The following GADL1 variants were observed in gnomAD, a reference collection of about 807,000 sequenced individuals.
The protein encoded by GADL1 is GAD like acidic amino acid decarboxylase 1.
Under a neutral mutation model 69.5 loss-of-function variants are expected in GADL1, and 71 were observed. That is an observed-to-expected ratio of 1.02 (90% CI 0.84 to 1.25). GADL1 has a LOEUF of 1.25. GADL1 is among the 50% of genes most tolerant of loss of function. GADL1 has a pLI of 0.00. For synonymous variants in GADL1, 254 were observed against 214.4 expected (o/e 1.18, Z -1.62); for missense variants, 737 against 631.8 (o/e 1.17, Z -1.79).
chr3:30,834,477 G>A (rs564995899), intron 9 of GADL1, among the ~76,000 whole-genome samples, 196 bp from the exon 10 acceptor site: 2 of 152,026 alleles, frequency 1.3e-5, no homozygotes, highest in South Asian at 4.2e-4. Flanking sequence ...ACAATAGATG[G>A]GCCCTCACTG....
intron 8 of GADL1, among the ~76,000 whole-genome samples, chr3:30,841,331 AACTT>A (rs2125527254): frequency 6.6e-6 from 1 of 152,300 alleles, no homozygotes; most frequent in South Asian, 2.1e-4. Context: ...ACTTTTCAAA[AACTT>A]ACTTTTTTGA....
At chr3:30,741,592 G>A (rs1290883272) in intron 14 of GADL1, among the ~76,000 whole-genome samples, 3 of 151,800 alleles carry the variant, frequency 2.0e-5, no homozygotes, top group Admixed American at 6.6e-5. Flanking sequence ...TGTTCTTGCC[G>A]GTTACTACCA....
At chr3:30,764,120 TTA>T (rs1355371654) in intron 14 of GADL1, among the ~76,000 whole-genome samples, 4 of 151,818 alleles carry the variant, frequency 2.6e-5, no homozygotes, top group Non-Finnish European at 5.9e-5. Flanking sequence ...TTATATATAC[TTA>T]TGTTTATTAA....
intron 14 of GADL1, among the ~76,000 whole-genome samples, chr3:30,761,084 G>T (rs1295108635): frequency 6.6e-6 from 1 of 152,088 alleles, no homozygotes; most frequent in African/African-American, 2.4e-5. Context: ...AAAGCTATCG[G>T]GTTTCATATA....
In GADL1 at chr3:30,801,460, C is replaced by A. The variant is rs145142543; in HGVS notation, c.1051-372G>T. Among the ~76,000 whole-genome samples the A allele has an allele frequency of 4.2e-3, 637 of 152,048 alleles. 5 individuals are homozygous for A. The highest frequency in any genetic ancestry group is 3.8e-3 in the Non-Finnish European group (261 of 67,996). ...CAGAAAAAAAAAACTGACATATTTA[C>A]ATATGTTATACAATTTCATAAGCAA... On this transcript the variant is annotated intron_variant, in intron 11 of 14. Coordinates refer to ENST00000282538, the MANE Select transcript of GADL1 (RefSeq NM_207359.3).
rs542808756 is a variant in GADL1 at position 30,765,615 on chromosome 3, G to T, written c.1392+12564C>A. Among the ~76,000 whole-genome samples, 3 of 152,302 alleles carry T rather than the reference G, an allele frequency of 2.0e-5. No homozygotes were observed. In the South Asian group the frequency reaches 6.2e-4, roughly 32 times the overall value. On this transcript the variant is annotated intron_variant, in intron 14 of 14. Transcript: ENST00000282538. ...CCCTGCCCTCAGAAGGGCATGCTTG[G>T]TTTAATGCTCAGCTGTCAGCATCTT...
chr3:30,837,248 T>C lies in GADL1; in HGVS notation c.903+1749A>G, dbSNP rs1439493120. On this transcript the variant is annotated intron_variant, in intron 9 of 14. Transcript: ENST00000282538. ...TTATTGCAATTTGTTAATATTTTCT[T>C]TAATAAAGTACCTATGGCATATGAA... 2.0e-5 allele frequency among the ~76,000 whole-genome samples: 3 copies of C among 152,234 alleles called. 1 individual carries two copies. Among genetic ancestry groups the C allele is most frequent in the East Asian group, 1.9e-4 (1 of 5,172 alleles).
chr3:30,859,933 A>C (rs1698294222), intron 2 of GADL1, among the ~76,000 whole-genome samples: 1 of 151,894 alleles, frequency 6.6e-6, no homozygotes. Context: ...TAGGATCTTA[A>C]GATCTTCCGT....
At chr3:30,887,878 T>C (rs1698730609) in intron 1 of GADL1, among the ~76,000 whole-genome samples, 1 of 152,178 alleles carries the variant, frequency 6.6e-6, no homozygotes, top group African/African-American at 2.4e-5. Flanking sequence ...ATTTTAAAAA[T>C]GCAAGAAAGT....
rs141627919 is a variant in GADL1 at position 30,832,728 on chromosome 3, A to G, written c.1050+1125T>C. On this transcript the variant is annotated intron_variant, in intron 11 of 14. Transcript: ENST00000282538. ...GATTACGTTCTTTGGTTCACAATCA[A>G]TATGGTAATCTTAAACTACCTTTTA... Among the ~76,000 whole-genome samples, 914 of 152,164 alleles carry G rather than the reference A, an allele frequency of 6.0e-3. 9 individuals are homozygous for G. The highest frequency in any genetic ancestry group is 0.02 in the African/African-American group (842 of 41,564).
chr3:30,877,523 A>G (rs1223242896), intron 1 of GADL1, among the ~76,000 whole-genome samples: 1 of 151,954 alleles, frequency 6.6e-6, no homozygotes, highest in African/African-American at 2.4e-5. Context: ...GAGTGTCATG[A>G]CAGAATATAC....
intron 12 of GADL1, among the ~76,000 whole-genome samples, chr3:30,790,736 C>T (rs2125501836): frequency 6.6e-6 from 1 of 152,140 alleles, no homozygotes; most frequent in Admixed American, 6.5e-5. Flanking sequence ...GATATAACAG[C>T]ATATATGTGC....
At chr3:30,742,160 T>A (rs545020386) in intron 14 of GADL1, among the ~76,000 whole-genome samples, 1 of 152,312 alleles carries the variant, frequency 6.6e-6, no homozygotes, top group East Asian at 1.9e-4. Context: ...AGACATCATA[T>A]TCCCTCTGTG....
intron 12 of GADL1, chr3:30,798,283 C>CT (rs1325069892): frequency 1.3e-5 from 2 of 152,760 alleles, no homozygotes; most frequent in Non-Finnish European, 1.5e-5. Flanking sequence ...ATACCCGAGA[C>CT]TGGGAAGAAA....
chr3:30,751,944 G>A (rs1447404089), intron 14 of GADL1, among the ~76,000 whole-genome samples: 2 of 152,160 alleles, frequency 1.3e-5, no homozygotes, highest in African/African-American at 4.8e-5. Context: ...AAAGGGTAAT[G>A]AGGCTGAAGA....
intron 9 of GADL1, among the ~76,000 whole-genome samples, chr3:30,835,968 G>A (rs1490139747): frequency 3.3e-5 from 5 of 152,076 alleles, no homozygotes. Flanking sequence ...GCCTACAACT[G>A]AGGATCTCCA....
chr3:30,737,754 A>G (rs930437098), intron 14 of GADL1, among the ~76,000 whole-genome samples: 1 of 152,176 alleles, frequency 6.6e-6, no homozygotes, highest in Non-Finnish European at 1.5e-5. Flanking sequence ...TACCTTTTTC[A>G]AATATGAATT....
At chr3:30,880,749 C>T (rs2125544607) in intron 1 of GADL1, among the ~76,000 whole-genome samples, 1 of 151,960 alleles carries the variant, frequency 6.6e-6, no homozygotes, top group East Asian at 1.9e-4. Flanking sequence ...AACCAATTCC[C>T]TGCAGATTCT....
At chr3:30,767,588 A>G (rs930200146) in intron 14 of GADL1, among the ~76,000 whole-genome samples, 1 of 152,206 alleles carries the variant, frequency 6.6e-6, no homozygotes, top group Non-Finnish European at 1.5e-5. Flanking sequence ...TAACTTCTAC[A>G]TGGATTAAGG....
Sources: gnomAD v4.1 joint callset for allele counts (sites outside exome capture counted in the v4.1 genomes callset) on GRCh38, gnomAD v4.1.1 for gene constraint, MANE v1.5 for transcripts, NCBI Gene and HGNC (gene_info 2026-07-23, HGNC 2026-07-21) for gene names.